The following COL25A1 variants were observed in gnomAD, a reference collection of about 807,000 sequenced individuals.
COL25A1 encodes collagen alpha-1(XXV) chain.
A neutral mutation model predicts 128.4 loss-of-function variants in COL25A1; 103 were observed. The observed-to-expected ratio is 0.80, with a 90% CI of 0.68 to 0.94. The LOEUF is 0.94. Ranked by LOEUF, COL25A1 falls within the 40% of genes least tolerant of loss-of-function variation. The probability of loss-of-function intolerance (pLI) is 0.00; values close to 1 mark genes in which losing one functional copy is unlikely to be tolerated. For missense variants in COL25A1, 745 were observed against 840.0 expected (o/e 0.89, Z 1.40); for synonymous variants, 279 against 277.2 (o/e 1.01, Z -0.06).
intron 3 of COL25A1, among the ~76,000 whole-genome samples, chr4:109,104,958 T>A (rs1230483012): frequency 1.3e-5 from 2 of 152,178 alleles, no homozygotes; most frequent in South Asian, 2.1e-4. Context: ...GGTATTGTGG[T>A]TATGGTAAAT....
intron 3 of COL25A1, among the ~76,000 whole-genome samples, chr4:109,217,702 G>T (rs1437929415): frequency 6.6e-6 from 1 of 152,090 alleles, no homozygotes; most frequent in Non-Finnish European, 1.5e-5. Flanking sequence ...TCACGTTTGA[G>T]TCCCTTATAT....
intron 35 of COL25A1, among the ~76,000 whole-genome samples, chr4:108,823,475 A>G (rs1732010458): frequency 6.6e-6 from 1 of 152,142 alleles, no homozygotes; most frequent in Non-Finnish European, 1.5e-5. Context: ...AAGGAGAGGA[A>G]AGGAAAAATT....
At chr4:108,819,816 G>C (rs977332803) in intron 35 of COL25A1, 21 of 1,229,276 alleles carry the variant, frequency 1.7e-5, no homozygotes, top group Non-Finnish European at 2.1e-5. Flanking sequence ...ACATACCAAC[G>C]GGCAGGGTGC....
chr4:108,940,794 T>C, intron 9 of COL25A1, 148 bp from the exon 10 acceptor site: 1 of 575,260 alleles, frequency 1.7e-6, no homozygotes, highest in East Asian at 3.1e-5. Context: ...CTGTAGGCAA[T>C]TTGCTTCCCA....
At chr4:109,052,828 G>A (rs1201928532) in intron 3 of COL25A1, among the ~76,000 whole-genome samples, 1 of 152,098 alleles carries the variant, frequency 6.6e-6, no homozygotes, top group Non-Finnish European at 1.5e-5. Context: ...AGAAAAATCA[G>A]ACAAAACTGA....
intron 3 of COL25A1, among the ~76,000 whole-genome samples, chr4:109,250,886 TAATCTC>T (rs1282104288): frequency 1.3e-5 from 2 of 152,202 alleles, no homozygotes; most frequent in Non-Finnish European, 2.9e-5. Flanking sequence ...AAACCATACT[TAATCTC>T]CAATTAAAGA....
chr4:108,953,390 C>T (rs1280289992), intron 8 of COL25A1, among the ~76,000 whole-genome samples: 1 of 152,170 alleles, frequency 6.6e-6, no homozygotes, highest in Non-Finnish European at 1.5e-5. Context: ...CATCCCTGAA[C>T]TCTGCATGTT....
intron 10 of COL25A1, among the ~76,000 whole-genome samples, chr4:108,940,028 A>AT (rs746034993): frequency 6.6e-6 from 1 of 152,296 alleles, no homozygotes; most frequent in Admixed American, 6.5e-5. Flanking sequence ...GGTTCACGTT[A>AT]TTTATAAGGG....
Position 109,057,013 on chromosome 4 carries a change from C to T in COL25A1, c.368-6834G>A, listed in dbSNP as rs113203873. ...CAGCTTGGGCTACAGGCACATACCA[C>T]CACAACCAGCTAAGTTTTTTATTTT... On this transcript the variant is annotated intron_variant, in intron 3 of 37. Coordinates refer to ENST00000399132, the MANE Select transcript of COL25A1 (RefSeq NM_198721.4). Among the ~76,000 whole-genome samples the T allele has an allele frequency of 8.5e-3, 1,293 of 152,242 alleles. 8 individuals carry two copies. Among genetic ancestry groups the T allele is most frequent in the Non-Finnish European group, 0.013 (913 of 68,010 alleles).
chr4:109,035,175 C>G (rs559185533), intron 5 of COL25A1, among the ~76,000 whole-genome samples: 1 of 152,288 alleles, frequency 6.6e-6, no homozygotes, highest in East Asian at 1.9e-4. Flanking sequence ...GCCATAGCTA[C>G]TGTCAGCCAA....
At chr4:109,239,390 G>A (rs5012049) in intron 3 of COL25A1, among the ~76,000 whole-genome samples, 2,364 of 105,944 alleles carry the variant, frequency 0.022, 25 homozygotes, top group East Asian at 0.045. Flanking sequence ...GTGTGTGTGT[G>A]TGTGTATATA....
chr4:108,924,943 T>C (rs1490916362), intron 11 of COL25A1, among the ~76,000 whole-genome samples: 1 of 152,190 alleles, frequency 6.6e-6, no homozygotes, highest in Non-Finnish European at 1.5e-5. Flanking sequence ...CCTTCTTTTG[T>C]TCTCCAAAGC....
At chr4:109,010,961 A>C (rs556079566) in intron 5 of COL25A1, among the ~76,000 whole-genome samples, 2 of 152,242 alleles carry the variant, frequency 1.3e-5, no homozygotes, top group Admixed American at 6.5e-5. Context: ...AGGTCTTTGG[A>C]TCATGCATCC....
chr4:109,012,794 C>G (rs28750377), intron 5 of COL25A1, among the ~76,000 whole-genome samples: 47,223 of 152,050 alleles, frequency 0.31, 7,950 homozygotes, highest in East Asian at 0.56. Flanking sequence ...GCCTCCCTGA[C>G]GGGTGCCGCC....
At chr4:108,937,336 T>C (rs1747543859) in intron 11 of COL25A1, among the ~76,000 whole-genome samples, 1 of 123,340 alleles carries the variant, frequency 8.1e-6, no homozygotes, top group African/African-American at 4.0e-5. Context: ...TTCAGGACCA[T>C]TTTTTTTTTT....
At chr4:109,086,095 A>T (rs1764343226) in intron 3 of COL25A1, among the ~76,000 whole-genome samples, 4 of 152,194 alleles carry the variant, frequency 2.6e-5, no homozygotes, top group Admixed American at 2.6e-4. Flanking sequence ...CTTGCCAAAG[A>T]AGCTCCCAGT....
intron 3 of COL25A1, among the ~76,000 whole-genome samples, chr4:109,218,135 A>G (rs986557332): frequency 2.0e-5 from 3 of 152,194 alleles, no homozygotes; most frequent in Admixed American, 2.0e-4. Context: ...TGACAGTACT[A>G]TAAGTCATAT....
chr4:108,816,540 T>C (rs1036253819), intron 37 of COL25A1, among the ~76,000 whole-genome samples: 3 of 152,170 alleles, frequency 2.0e-5, no homozygotes, highest in South Asian at 4.1e-4. Context: ...TTCACCATTA[T>C]TGCATAAAGG....
At chr4:109,281,761 CTAA>C in intron 3 of COL25A1, among the ~76,000 whole-genome samples, 1 of 152,250 alleles carries the variant, frequency 6.6e-6, no homozygotes, top group East Asian at 1.9e-4. Flanking sequence ...GGTTATTAAT[CTAA>C]TCATTTTGAA....
Sources: allele counts gnomAD v4.1 joint callset (sites outside exome capture counted in the v4.1 genomes callset), GRCh38; gene constraint gnomAD v4.1.1; transcripts MANE v1.5; gene names NCBI Gene and HGNC (gene_info 2026-07-23, HGNC 2026-07-21).